The following HIP1 variants were observed in gnomAD, a reference collection of about 807,000 sequenced individuals.
HIP1 encodes the protein huntingtin-interacting protein 1.
Under a neutral mutation model 147.6 loss-of-function variants are expected in HIP1, and 65 were observed. The observed-to-expected ratio is 0.44, with a 90% CI of 0.36 to 0.54. The LOEUF (loss-of-function observed/expected upper bound fraction) is 0.54. Ranked by LOEUF, HIP1 falls within the 20% of genes least tolerant of loss-of-function variation. The probability of loss-of-function intolerance (pLI) is 0.00; values close to 1 mark genes in which losing one functional copy is unlikely to be tolerated. For synonymous variants in HIP1, 479 were observed against 504.0 expected (o/e 0.95, Z 0.67); for missense variants, 1,061 against 1,299.6 (o/e 0.82, Z 2.82).
rs530232807 is a variant in HIP1 at position 75,720,711 on chromosome 7, A to G, written c.120+18090T>C. Among the ~76,000 whole-genome samples, 5 of 152,276 alleles carry G rather than the reference A, an allele frequency of 3.3e-5. No individual in the cohort carries two copies. In the East Asian group the frequency reaches 7.7e-4, roughly 24 times the overall value. On this transcript the variant is annotated intron_variant, in intron 1 of 30. Transcript: ENST00000336926. ...TCCATGTGGCCTCTGATTTAGTGTCAAAAGGTTTTTCTCCTGGCCTGGGCA... is the reference window on the plus strand; with the variant it reads ...TCCATGTGGCCTCTGATTTAGTGTCGAAAGGTTTTTCTCCTGGCCTGGGCA...
intron 6 of HIP1, among the ~76,000 whole-genome samples, chr7:75,581,516 C>T (rs1375801577): frequency 1.3e-5 from 2 of 152,196 alleles, no homozygotes; most frequent in East Asian, 1.9e-4. Context: ...CGGTGGCTCA[C>T]GCCTGTAATC....
At chr7:75,589,998 G>A (rs2116961832) in intron 4 of HIP1, among the ~76,000 whole-genome samples, 1 of 152,126 alleles carries the variant, frequency 6.6e-6, no homozygotes, top group Non-Finnish European at 1.5e-5. Context: ...CTCCCAAAGT[G>A]CTGGGATTAC....
At chr7:75,716,288 TAC>T (rs1365383994) in intron 1 of HIP1, among the ~76,000 whole-genome samples, 1 of 151,866 alleles carries the variant, frequency 6.6e-6, no homozygotes. Context: ...AGTGCAGTAG[TAC>T]AGTCTTGGCT....
chr7:75,616,085 C>CAAAAAAAAAAAAAAAA (rs71098042), intron 1 of HIP1, among the ~76,000 whole-genome samples: 12 of 35,286 alleles, frequency 3.4e-4, no homozygotes, highest in Non-Finnish European at 4.2e-4. Context: ...GACTCTGTCT[C>CAAAAAAAAAAAAAAAA]AAAAAAAAAA....
intron 1 of HIP1, among the ~76,000 whole-genome samples, chr7:75,599,956 C>G (rs1308140894): frequency 6.6e-6 from 1 of 151,610 alleles, no homozygotes. Context: ...CCGCCTCAGC[C>G]TCCCGAGTAG....
At chr7:75,711,221 G>A (rs1462255964) in intron 1 of HIP1, among the ~76,000 whole-genome samples, 1 of 152,188 alleles carries the variant, frequency 6.6e-6, no homozygotes, top group Non-Finnish European at 1.5e-5. Flanking sequence ...GTCCTAATTT[G>A]TGGGTAAATT....
At chr7:75,540,017 C>G (rs1467317486) in intron 29 of HIP1, among the ~76,000 whole-genome samples, 4 of 152,132 alleles carry the variant, frequency 2.6e-5, no homozygotes, top group Admixed American at 6.6e-5. Context: ...GGTATTTGTG[C>G]AACTTACACT....
intron 25 of HIP1, 56 bp downstream of exon 25, chr7:75,546,883 C>A: frequency 2.5e-6 from 3 of 1,217,472 alleles, no homozygotes; most frequent in Non-Finnish European, 3.5e-6. Flanking sequence ...TCCGTTGGAG[C>A]GGGAGTCTGT....
At chr7:75,633,873 C>T (rs782112525) in intron 1 of HIP1, among the ~76,000 whole-genome samples, 2 of 152,126 alleles carry the variant, frequency 1.3e-5, no homozygotes, top group African/African-American at 2.4e-5. Flanking sequence ...TTCCACCCCT[C>T]TCATCGGCCT....
At chr7:75,565,951 C>T (rs1418554515) in intron 9 of HIP1, among the ~76,000 whole-genome samples, 2 of 150,722 alleles carry the variant, frequency 1.3e-5, no homozygotes, top group Non-Finnish European at 2.9e-5. Context: ...TGACCTCAAG[C>T]GATCCACTTG....
chr7:75,604,926 C>A (rs782122272), intron 1 of HIP1, among the ~76,000 whole-genome samples: 1 of 152,032 alleles, frequency 6.6e-6, no homozygotes, highest in Non-Finnish European at 1.5e-5. Flanking sequence ...AATAATATAC[C>A]GTGAGTTTGT....
intron 1 of HIP1, among the ~76,000 whole-genome samples, chr7:75,620,867 G>A (rs1018590440): frequency 3.3e-5 from 5 of 152,104 alleles, no homozygotes; most frequent in South Asian, 4.2e-4. Flanking sequence ...GAGTGTTCTA[G>A]GCAGCATTAT....
rs1010937716 is a variant in HIP1 at position 75,595,409 on chromosome 7, C to T, written c.185-2895G>A. On this transcript the variant is annotated intron_variant, in intron 2 of 30. Coordinates refer to ENST00000336926, the MANE Select transcript of HIP1 (RefSeq NM_005338.7). ...CCAGGCTGGAGTGCAGTGGCACAATCTTGGCTCACTGCAACCTCCACCTCC... is the reference window on the plus strand; with the variant it reads ...CCAGGCTGGAGTGCAGTGGCACAATTTTGGCTCACTGCAACCTCCACCTCC... 4.0e-4 allele frequency among the ~76,000 whole-genome samples: 61 copies of T among 151,360 alleles called. 1 individual carries two copies. Among genetic ancestry groups the T allele is most frequent in the Admixed American group, 6.6e-5 (1 of 15,146 alleles).
intron 8 of HIP1, among the ~76,000 whole-genome samples, chr7:75,570,792 A>T (rs964812827): frequency 1.3e-4 from 19 of 151,928 alleles, no homozygotes; most frequent in African/African-American, 4.3e-4. Context: ...GGATCACTTG[A>T]GCTCAGGAGT....
intron 1 of HIP1, among the ~76,000 whole-genome samples, chr7:75,666,614 T>C (rs1406595036): frequency 6.6e-6 from 1 of 152,210 alleles, no homozygotes; most frequent in East Asian, 1.9e-4. Context: ...AAACTGGGCA[T>C]GGTGGACCCA....
rs561640672 is a variant in HIP1 at position 75,681,466 on chromosome 7, C to T, written c.120+57335G>A. 3.4e-5 allele frequency among the ~76,000 whole-genome samples: 5 copies of T among 147,538 alleles called. No homozygotes were observed. In the East Asian group the frequency reaches 8.0e-4, roughly 24 times the overall value. Reference sequence around the variant, plus strand: ...TGCCCCTAGACCAGGGTGTTTCTTCCATTACCCACCCCACAGCACCACAGC... The same window carrying T: ...TGCCCCTAGACCAGGGTGTTTCTTCTATTACCCACCCCACAGCACCACAGC... On this transcript the variant is annotated intron_variant, in intron 1 of 30. Coordinates refer to ENST00000336926, the MANE Select transcript of HIP1 (RefSeq NM_005338.7).
chr7:75,560,684 T>A (rs1795195762), intron 13 of HIP1, among the ~76,000 whole-genome samples: 1 of 152,210 alleles, frequency 6.6e-6, no homozygotes, highest in African/African-American at 2.4e-5. Flanking sequence ...GCTGTCCTCA[T>A]GGCATGTAAA....
At position 75,599,752 on chromosome 7, in the gene HIP1, C is replaced by G. The variant is rs79397721; in HGVS notation, c.121-505G>C. 5.7e-3 allele frequency among the ~76,000 whole-genome samples: 861 copies of G among 152,200 alleles called. 8 individuals are homozygous for G. The highest frequency in any genetic ancestry group is 0.02 in the African/African-American group (819 of 41,540). On this transcript the variant is annotated intron_variant, in intron 1 of 30. Coordinates refer to ENST00000336926, the MANE Select transcript of HIP1 (RefSeq NM_005338.7). ...TTTTCCCACACTCTTGGGCATTTTC[C>G]AACTTCTAAGCAAATTCCCTTGTAC...
intron 22 of HIP1, among the ~76,000 whole-genome samples, chr7:75,553,021 C>T (rs1001203447): frequency 1.3e-5 from 2 of 151,924 alleles, no homozygotes; most frequent in African/African-American, 4.8e-5. Context: ...GCACTGCAAC[C>T]TCCACCTCCT....
Sources: allele counts gnomAD v4.1 joint callset (sites outside exome capture counted in the v4.1 genomes callset), GRCh38; gene constraint gnomAD v4.1.1; transcripts MANE v1.5; gene names NCBI Gene and HGNC (gene_info 2026-07-23, HGNC 2026-07-21).